WHRN: variants seen among roughly 807,000 people sequenced by gnomAD.
WHRN encodes whirlin.
A neutral mutation model predicts 68.3 loss-of-function variants in WHRN; 41 were observed. The ratio of observed to expected loss-of-function variants is 0.60; its 90% CI spans 0.47 to 0.78. WHRN has a LOEUF of 0.78. Among genes scored for constraint, WHRN ranks in the 30% least tolerant of loss-of-function variants. The pLI, the probability that WHRN is intolerant of heterozygous loss-of-function variation, is 0.00. For missense variants in WHRN, 1,243 were observed against 1,244.7 expected (o/e 1.00, Z 0.02); for synonymous variants, 560 against 561.3 (o/e 1.00, Z 0.03).
rs139337135 is a variant in WHRN at position 114,423,332 on chromosome 9, G to C, written c.1608C>G (p.Thr536=). The part of the protein sequence containing the change: ...GSSTGSHGTS[T]TVSSARNTLD... ...AGCTCACCCTGGCCGAGCTGACGGTGGTGGAGGTGCCGTGGCTGCCTGTGG... is the reference window on the plus strand; with the variant it reads ...AGCTCACCCTGGCCGAGCTGACGGTCGTGGAGGTGCCGTGGCTGCCTGTGG... The change falls in exon 7 of 12, where the codon ACC becomes ACG. Residue 536 remains threonine, a synonymous_variant. Coordinates refer to ENST00000362057, the MANE Select transcript of WHRN (RefSeq NM_015404.4). 2.0e-4 allele frequency: 321 copies of C among 1,613,970 alleles called. 3 individuals are homozygous for C. The East Asian group carries it at 6.4e-3, about 32-fold the overall frequency.
chr9:114,416,515 A>G (rs1006390777), intron 7 of WHRN, among the ~76,000 whole-genome samples: 1 of 152,128 alleles, frequency 6.6e-6, no homozygotes, highest in Non-Finnish European at 1.5e-5. Context: ...CTGGTTGCTT[A>G]AAAGTGTACA....
At chr9:114,471,386 A>C (rs985727275) in intron 2 of WHRN, among the ~76,000 whole-genome samples, 1 of 152,098 alleles carries the variant, frequency 6.6e-6, no homozygotes, top group Non-Finnish European at 1.5e-5. Context: ...CTGAGGGATG[A>C]AATGATGGGG....
At chr9:114,422,861 G>T (rs1836434160) in intron 7 of WHRN, among the ~76,000 whole-genome samples, 1 of 152,052 alleles carries the variant, frequency 6.6e-6, no homozygotes, top group African/African-American at 2.4e-5. Flanking sequence ...GTCAAACTGG[G>T]CTTGGGCTCC....
chr9:114,441,440 C>T (rs760377667), intron 3 of WHRN, among the ~76,000 whole-genome samples: 3 of 152,166 alleles, frequency 2.0e-5, no homozygotes, highest in Non-Finnish European at 2.9e-5. Flanking sequence ...GCCCATCTAG[C>T]CCCCAGATCT....
intron 1 of WHRN, among the ~76,000 whole-genome samples, chr9:114,495,418 G>A (rs186235832): frequency 3.0e-4 from 45 of 152,332 alleles, no homozygotes; most frequent in African/African-American, 1.1e-3. Flanking sequence ...AGAAGTGCTG[G>A]AAAGAAGTAA....
intron 3 of WHRN, among the ~76,000 whole-genome samples, chr9:114,443,497 G>C (rs552501271): frequency 6.6e-6 from 1 of 152,084 alleles, no homozygotes; most frequent in Non-Finnish European, 1.5e-5. Context: ...TTCTTATACA[G>C]CCACCTCTCT....
intron 9 of WHRN, 135 bp downstream of exon 9, chr9:114,406,220 A>G: frequency 7.9e-7 from 1 of 1,259,634 alleles, no homozygotes; most frequent in Non-Finnish European, 1.1e-6. Context: ...TGGGGTCTCC[A>G]ACTCCCTTCG....
In WHRN at chr9:114,406,824, G is replaced by A. The variant is rs1474015160; in HGVS notation, c.1767C>T (p.Ala589=). The A allele has an allele frequency of 1.9e-6, 3 of 1,609,548 alleles. No homozygotes were observed. Among genetic ancestry groups the A allele is most frequent in the Non-Finnish European group, 2.5e-6 (3 of 1,177,882 alleles). The part of the protein sequence containing the change: ...FKPLPRPPPL[A]QGNDLPLGQP... ...GGCCTAGTGGGAGGTCGTTGCCTTG[G>A]GCCAGAGGTGGTGGGCGAGGCAGTG... The change falls in exon 9 of 12, where the codon GCC becomes GCT. Residue 589 remains alanine, a synonymous_variant. Transcript: ENST00000362057.
intron 3 of WHRN, among the ~76,000 whole-genome samples, chr9:114,457,842 G>A: frequency 6.6e-6 from 1 of 151,270 alleles, no homozygotes; most frequent in East Asian, 1.9e-4. Flanking sequence ...CTTGAACCCA[G>A]GAGGCAGAGG....
rs1427970995 is a variant in WHRN at position 114,402,874 on chromosome 9, A to G, written c.2604T>C (p.Asn868=). The G allele has an allele frequency of 6.2e-7, 1 of 1,613,878 alleles. No homozygotes were observed. The highest frequency in any genetic ancestry group is 1.3e-5 in the African/African-American group (1 of 74,934). ...GCTCCTTGCCCCGAAGCGTCAGCCC[A>G]TTCACTTCCAGAATCACGTGGCCCA... ...LKVGHVILEV[N]GLTLRGKEHR... Residue 868 remains asparagine (N), a synonymous_variant, in exon 12 of 12, where the codon AAT becomes AAC. Coordinates refer to ENST00000362057, the MANE Select transcript of WHRN (RefSeq NM_015404.4).
chr9:114,498,890 C>T (rs1843685955), intron 1 of WHRN, among the ~76,000 whole-genome samples: 1 of 152,114 alleles, frequency 6.6e-6, no homozygotes, highest in Non-Finnish European at 1.5e-5. Flanking sequence ...ACAGGAGGGA[C>T]AAAGCACCCA....
intron 3 of WHRN, among the ~76,000 whole-genome samples, chr9:114,461,094 GA>G (rs1840209639): frequency 6.6e-6 from 1 of 152,212 alleles, no homozygotes; most frequent in Non-Finnish European, 1.5e-5. Context: ...GGCATTTTAT[GA>G]GCAAATAAAG....
chr9:114,415,736 G>T (rs1450327349), intron 7 of WHRN, among the ~76,000 whole-genome samples: 1 of 152,184 alleles, frequency 6.6e-6, no homozygotes. Context: ...CTCCACAAAG[G>T]CTGCTGCATA....
chr9:114,447,240 T>C (rs1838904242), intron 3 of WHRN, among the ~76,000 whole-genome samples: 1 of 152,120 alleles, frequency 6.6e-6, no homozygotes, highest in African/African-American at 2.4e-5. Flanking sequence ...TGCTCCCACC[T>C]GAGGTCCCAG....
Position 114,504,167 on chromosome 9 carries a change from C to T in WHRN, c.618+17G>A, listed in dbSNP as rs199879730. 10 of 1,613,948 alleles carry T rather than the reference C, an allele frequency of 6.2e-6. No individual in the cohort carries two copies. The Admixed American group carries it at 1.7e-4, about 27-fold the overall frequency. Reference sequence around the variant, plus strand: ...GTCCATACTCTGCCCCAGACTCTCTCCAAACCACAGCCTTACCTTGACGGC... The same window carrying T: ...GTCCATACTCTGCCCCAGACTCTCTTCAAACCACAGCCTTACCTTGACGGC... On this transcript the variant is annotated intron_variant, in intron 1 of 11. Transcript: ENST00000362057.
At chr9:114,403,819 T>C (rs975863661) in intron 10 of WHRN, 77 bp downstream of exon 10, 2 of 1,565,666 alleles carry the variant, frequency 1.3e-6, no homozygotes, top group Non-Finnish European at 1.7e-6. Context: ...AGCTGAGCCC[T>C]GGTCCCGGGA....
intron 8 of WHRN, among the ~76,000 whole-genome samples, chr9:114,407,483 AG>A (rs1419522982): frequency 6.6e-6 from 1 of 152,206 alleles, no homozygotes; most frequent in Non-Finnish European, 1.5e-5. Flanking sequence ...GTGCACAGTG[AG>A]GGGCAGCTAT....
intron 3 of WHRN, among the ~76,000 whole-genome samples, chr9:114,438,905 T>C (rs1483736101): frequency 6.6e-6 from 1 of 152,154 alleles, no homozygotes; most frequent in Non-Finnish European, 1.5e-5. Flanking sequence ...TTGGATAACG[T>C]ATGGTACAGC....
intron 1 of WHRN, among the ~76,000 whole-genome samples, chr9:114,480,338 G>C (rs1306722945): frequency 6.6e-6 from 1 of 152,154 alleles, no homozygotes. Flanking sequence ...GTTAGGGACT[G>C]AATGTATTTC....
Sources: gnomAD v4.1 joint callset for allele counts (sites outside exome capture counted in the v4.1 genomes callset) on GRCh38, gnomAD v4.1.1 for gene constraint, MANE v1.5 for transcripts, NCBI Gene and HGNC (gene_info 2026-07-23, HGNC 2026-07-21) for gene names.